STRA6: variants seen among roughly 807,000 people sequenced by gnomAD.
The protein encoded by STRA6 is receptor for retinol uptake STRA6.
A neutral mutation model predicts 83.6 loss-of-function variants in STRA6; 48 were observed. The ratio of observed to expected loss-of-function variants is 0.57; its 90% CI spans 0.46 to 0.73. The LOEUF (loss-of-function observed/expected upper bound fraction) is 0.73. STRA6 is among the 30% of genes least tolerant of loss of function. The probability of loss-of-function intolerance (pLI) is 0.00; values close to 1 mark genes in which losing one functional copy is unlikely to be tolerated. For missense variants in STRA6, 760 were observed against 838.8 expected (o/e 0.91, Z 1.16); for synonymous variants, 353 against 362.3 (o/e 0.97, Z 0.29).
upstream of STRA6, chr15:74,209,518 C>G: frequency 7.3e-7 from 1 of 1,365,520 alleles, no homozygotes; most frequent in Admixed American, 2.1e-5. Context: ...CACAGGGCTT[C>G]AGGGCTGGAA....
chr15:74,185,201 C>T, intron 12 of STRA6, 146 bp from the exon 13 acceptor site: 1 of 773,900 alleles, frequency 1.3e-6, no homozygotes, highest in Admixed American at 2.0e-5. Context: ...GCCCCACCCC[C>T]AGGTCTCAGA....
At chr15:74,209,317 C>T, upstream of STRA6, 2 of 1,487,946 alleles carry the variant, frequency 1.3e-6, no homozygotes, top group South Asian at 2.4e-5. Context: ...GCTGAGTTTC[C>T]CCAGATGTGG....
rs2072969888 is a variant in STRA6, at chr15:74,181,281, C to T, written c.1684+14G>A. On this transcript the variant is annotated intron_variant, in intron 17 of 18. Coordinates refer to ENST00000395105, the MANE Select transcript of STRA6 (RefSeq NM_022369.4). ...TAGCCTGAGCAATCCTCCAGCCCCG[C>T]CCAGTGACCTTACCGGGGTCGAGAG... 1.2e-6 allele frequency: 2 copies of T among 1,612,454 alleles called. No individual in the cohort carries two copies.
At chr15:74,201,718 G>A (rs2074075152) in intron 2 of STRA6, among the ~76,000 whole-genome samples, 1 of 152,044 alleles carries the variant, frequency 6.6e-6, no homozygotes, top group African/African-American at 2.4e-5. Flanking sequence ...GAATCCCCCA[G>A]CCTGCCCAGA....
chr15:74,207,952 C>G, intron 1 of STRA6: 1 of 1,441,276 alleles, frequency 6.9e-7, no homozygotes, highest in Non-Finnish European at 9.1e-7. Context: ...TCCTGTCTCT[C>G]TACCTCCTAC....
chr15:74,182,824 C>A (rs755232591), intron 14 of STRA6: 49 of 304,782 alleles, frequency 1.6e-4, no homozygotes, highest in Middle Eastern at 2.3e-3. Flanking sequence ...TGCATTCCTT[C>A]AAGCCAGAGC....
At chr15:74,210,328 A>T (rs1455411706), upstream of STRA6, among the ~76,000 whole-genome samples, 1 of 152,232 alleles carries the variant, frequency 6.6e-6, no homozygotes, top group Non-Finnish European at 1.5e-5. Flanking sequence ...GACACACTGA[A>T]GTACTATTTT....
At position 74,202,695 on chromosome 15, in the gene STRA6, A is replaced by C. The variant is rs1175602205; in HGVS notation, c.-16+18T>G. 7.6e-7 allele frequency: 1 copy of C among 1,321,802 alleles called. No individual in the cohort carries two copies. Among genetic ancestry groups the C allele is most frequent in the South Asian group, 2.4e-5 (1 of 41,802 alleles). The allele number at this position is 1,321,802 out of a possible 1,614,324, so 81.9% of individuals were successfully genotyped here. A position where few individuals can be genotyped will look rare whatever the true frequency, so the allele number is the denominator to read the frequency against. On this transcript the variant is annotated intron_variant, in intron 1 of 18. Coordinates refer to ENST00000395105, the MANE Select transcript of STRA6 (RefSeq NM_022369.4). ...CTTCCCCTTTCCCAAGCCCACCTAGACAGACCCACAGACACACCAGAAGGG... is the reference window on the plus strand; with the variant it reads ...CTTCCCCTTTCCCAAGCCCACCTAGCCAGACCCACAGACACACCAGAAGGG...
At chr15:74,206,377 C>T (rs2074262530), upstream of STRA6, among the ~76,000 whole-genome samples, 1 of 152,210 alleles carries the variant, frequency 6.6e-6, no homozygotes, top group Non-Finnish European at 1.5e-5. Flanking sequence ...TCGCTTGGAG[C>T]TCCCATCTGC....
rs1307316778 is a variant in STRA6, at chr15:74,179,654, CG to C, written c.*425del. On this transcript the variant is annotated 3_prime_UTR_variant, in exon 19 of 19. Coordinates refer to ENST00000395105, the MANE Select transcript of STRA6 (RefSeq NM_022369.4). The stretch of plus-strand genomic sequence containing the variant: ...TTTCCGGCCACTCCCCAGAGAGGTC[CG>C]TGGCGCTGAGGGGGTGAGGAAGTGC... 2.3e-5 allele frequency: 4 copies of C among 176,426 alleles called. No homozygotes were observed. Among genetic ancestry groups the C allele is most frequent in the African/African-American group, 9.4e-5 (4 of 42,376 alleles). The allele number at this position is 176,426 out of a possible 1,614,324, so 10.9% of individuals were successfully genotyped here.
In STRA6 at chr15:74,188,944, A is replaced by G. The variant is rs996801546; in HGVS notation, c.1090+171T>C. 6.6e-6 allele frequency among the ~76,000 whole-genome samples: 1 copy of G among 152,186 alleles called. No individual in the cohort carries two copies. The highest frequency in any genetic ancestry group is 2.4e-5 in the African/African-American group (1 of 41,436). ...CCCTTCAGGTTTCATGGAAGCTCAG[A>G]ACTGGAAGCGCCAACTGCCACAATT... On this transcript the variant is annotated intron_variant, in intron 12 of 18. Coordinates refer to ENST00000395105, the MANE Select transcript of STRA6 (RefSeq NM_022369.4). The surrounding 1 kb of genome is among the most constrained non-coding windows in gnomAD (Gnocchi z 4.5).
intron 9 of STRA6, 45 bp downstream of exon 9, chr15:74,191,379 C>T: frequency 6.2e-7 from 1 of 1,606,816 alleles, no homozygotes; most frequent in Non-Finnish European, 8.5e-7. Flanking sequence ...CGGCTGCTAA[C>T]CAGCCCAATC....
At chr15:74,193,425 T>G (rs957969347) in intron 8 of STRA6, among the ~76,000 whole-genome samples, 1 of 152,178 alleles carries the variant, frequency 6.6e-6, no homozygotes, top group Non-Finnish European at 1.5e-5. Flanking sequence ...AGTTCTGCCC[T>G]GGGTGCTTCC....
chr15:74,197,662 C>T (rs748546689), intron 3 of STRA6, 90 bp downstream of exon 3: 1 of 1,525,262 alleles, frequency 6.6e-7, no homozygotes, highest in Admixed American at 1.8e-5. Context: ...CTTCCAGGGC[C>T]CCCCTTCACC....
intron 16 of STRA6, 116 bp downstream of exon 16, chr15:74,182,045 T>G (rs570230114): frequency 2.2e-6 from 2 of 925,238 alleles, no homozygotes. Context: ...TACTATCATC[T>G]GGGTTCCTTG....
chr15:74,202,313 C>G, intron 1 of STRA6, 31 bp from the exon 2 acceptor site: 1 of 1,568,418 alleles, frequency 6.4e-7, no homozygotes, highest in East Asian at 2.2e-5. Context: ...AAAAAAAAGC[C>G]ACTACAGATG....
At chr15:74,208,240 A>G (rs971534542) in intron 1 of STRA6, among the ~76,000 whole-genome samples, 1 of 152,148 alleles carries the variant, frequency 6.6e-6, no homozygotes, top group Admixed American at 6.5e-5. Flanking sequence ...TGAGGCCCCC[A>G]TCAAGGGAGG....
chr15:74,181,086 T>C lies in STRA6; in HGVS notation c.1685-149A>G, dbSNP rs572234980. The C allele has an allele frequency of 5.7e-5, 77 of 1,350,748 alleles. No homozygotes were observed. The African/African-American group carries it at 9.2e-4, about 16-fold the overall frequency. 83.7% of individuals were successfully genotyped at this position (1,350,748 alleles called of 1,614,324 possible). A position where few individuals can be genotyped will look rare whatever the true frequency, so the allele number is the denominator to read the frequency against. ...CCAAGCACGTGGCACATTGGCTGCA[T>C]GGGCACGTGTGGACCTGCTAGAACA... is the stretch of plus-strand genomic sequence containing the variant. On this transcript the variant is annotated intron_variant, in intron 17 of 18. Coordinates refer to ENST00000395105, the MANE Select transcript of STRA6 (RefSeq NM_022369.4).
intron 12 of STRA6, among the ~76,000 whole-genome samples, chr15:74,185,718 G>A (rs351235): frequency 0.95 from 144,663 of 152,314 alleles, 69,152 homozygotes; most frequent in East Asian, 1. Flanking sequence ...CCCACCTTAC[G>A]TCCACATCCA....
Sources: allele counts gnomAD v4.1 joint callset (sites outside exome capture counted in the v4.1 genomes callset), GRCh38; gene constraint gnomAD v4.1.1; non-coding constraint Gnocchi (gnomAD v3.1); transcripts MANE v1.5; gene names NCBI Gene and HGNC (gene_info 2026-07-23, HGNC 2026-07-21).